Variants in SHQ1 observed in about 807,000 individuals in gnomAD.
The protein encoded by SHQ1 is SHQ1, H/ACA ribonucleoprotein assembly factor, also known as protein SHQ1 homolog.
SHQ1 carries 49 observed loss-of-function variants against 53.8 expected under a neutral mutation model. That is an observed-to-expected ratio of 0.91 (90% CI 0.72 to 1.16). SHQ1 has a LOEUF of 1.16. Among genes scored for constraint, SHQ1 ranks in the 50% most tolerant of loss-of-function variants. SHQ1 has a pLI of 0.00. For synonymous variants in SHQ1, 243 were observed against 251.0 expected (o/e 0.97, Z 0.30); for missense variants, 738 against 683.1 (o/e 1.08, Z -0.90).
rs538409405 is a variant in SHQ1 at position 72,769,733 on chromosome 3, T to A, written c.1182-18897A>T. The stretch of plus-strand genomic sequence containing the variant: ...CTAATTCTGCCCTCTGCAAATCTTG[T>A]CTTGTCTCTACAACCAGTCTAAATG... On this transcript the variant is annotated intron_variant, in intron 10 of 10. Coordinates refer to ENST00000325599, the MANE Select transcript of SHQ1 (RefSeq NM_018130.3). Among the ~76,000 whole-genome samples the A allele has an allele frequency of 9.2e-5, 14 of 152,308 alleles. No individual in the cohort carries two copies. In the East Asian group the frequency reaches 2.5e-3, roughly 27 times the overall value.
chr3:72,739,499 G>GCA, the SHQ1 span, among the ~76,000 whole-genome samples: 1 of 152,180 alleles, frequency 6.6e-6, no homozygotes, highest in African/African-American at 2.4e-5. Context: ...GTAAAGATGG[G>GCA]GTTCGGAAGC....
intron 10 of SHQ1, chr3:72,753,478 C>T: frequency 3.0e-6 from 3 of 985,290 alleles, no homozygotes; most frequent in South Asian, 4.7e-5. Context: ...CCCCCCACCC[C>T]CCACAACCCC....
intron 3 of SHQ1, 59 bp downstream of exon 3, chr3:72,842,221 A>G: frequency 1.9e-6 from 3 of 1,579,882 alleles, no homozygotes; most frequent in Non-Finnish European, 2.6e-6. Context: ...CCCTACAAAT[A>G]CACAGCATTC....
chr3:72,782,896 A>T (rs1706110486), intron 10 of SHQ1, among the ~76,000 whole-genome samples: 1 of 152,254 alleles, frequency 6.6e-6, no homozygotes, highest in African/African-American at 2.4e-5. Flanking sequence ...ATTCAAGCAC[A>T]GTGAAAATTC....
chr3:72,771,702 A>T (rs1705855320), intron 10 of SHQ1, among the ~76,000 whole-genome samples: 1 of 152,236 alleles, frequency 6.6e-6, no homozygotes, highest in Admixed American at 6.5e-5. Flanking sequence ...AGATGGACAA[A>T]GGTTGGAAAT....
chr3:72,845,384 G>T (rs1357238988), intron 1 of SHQ1, among the ~76,000 whole-genome samples: 1 of 151,944 alleles, frequency 6.6e-6, no homozygotes, highest in Non-Finnish European at 1.5e-5. Flanking sequence ...TCAGGAGGCT[G>T]AGGCAGAAGA....
At chr3:72,795,402 T>C (rs1706575301) in intron 9 of SHQ1, 1 of 152,192 alleles carries the variant, frequency 6.6e-6, no homozygotes, top group Non-Finnish European at 1.5e-5. Context: ...AACTAGGTAA[T>C]GTTGAGAGCA....
At chr3:72,775,007 C>T (rs1341761852) in intron 10 of SHQ1, among the ~76,000 whole-genome samples, 5 of 151,944 alleles carry the variant, frequency 3.3e-5, no homozygotes, top group Non-Finnish European at 5.9e-5. Flanking sequence ...CCCAGCTACT[C>T]GGGAAGCTGA....
At chr3:72,785,889 C>T (rs1467858804) in intron 10 of SHQ1, among the ~76,000 whole-genome samples, 1 of 152,196 alleles carries the variant, frequency 6.6e-6, no homozygotes, top group Non-Finnish European at 1.5e-5. Context: ...ACATCTGTCC[C>T]AGCTGTGCTC....
At chr3:72,744,768 G>A (rs1705226428), downstream of SHQ1, among the ~76,000 whole-genome samples, 1 of 152,116 alleles carries the variant, frequency 6.6e-6, no homozygotes, top group Non-Finnish European at 1.5e-5. Flanking sequence ...AATTCCATCA[G>A]GGATTTAGAT....
At chr3:72,818,409 C>T (rs949161889) in intron 6 of SHQ1, among the ~76,000 whole-genome samples, 1 of 152,114 alleles carries the variant, frequency 6.6e-6, no homozygotes, top group African/African-American at 2.4e-5. Flanking sequence ...ATAAAGTAGA[C>T]TCTCGAGACT....
intron 6 of SHQ1, among the ~76,000 whole-genome samples, chr3:72,820,647 TTGGATGATTGCCACCATGAATA>T (rs965954708): frequency 2.0e-5 from 3 of 152,208 alleles, no homozygotes; most frequent in African/African-American, 7.2e-5. Context: ...CCAACAATGC[TTGGATGATTGCCACCATGAATA>T]ACATTTGTCA....
intron 4 of SHQ1, among the ~76,000 whole-genome samples, chr3:72,835,780 G>A (rs1255124646): frequency 6.6e-6 from 1 of 152,020 alleles, no homozygotes; most frequent in African/African-American, 2.4e-5. Context: ...GAGCCTTTAC[G>A]CTTACAGTAC....
intron 10 of SHQ1, among the ~76,000 whole-genome samples, chr3:72,765,557 ATTTT>A (rs61074795): frequency 2.4e-4 from 14 of 57,180 alleles, no homozygotes; most frequent in African/African-American, 7.1e-4. Flanking sequence ...ATATATATAT[ATTTT>A]TTTTTTTTTT....
chr3:72,726,365 T>G, the SHQ1 span, among the ~76,000 whole-genome samples: 1 of 152,076 alleles, frequency 6.6e-6, no homozygotes, highest in Non-Finnish European at 1.5e-5. Context: ...TTCTTTTTTT[T>G]TTGGAGACAG....
intron 9 of SHQ1, among the ~76,000 whole-genome samples, chr3:72,811,918 A>G (rs759874436): frequency 9.2e-5 from 14 of 152,240 alleles, no homozygotes; most frequent in Non-Finnish European, 1.5e-4. Context: ...AGAAATGACC[A>G]TAAAGTACTA....
intron 9 of SHQ1, among the ~76,000 whole-genome samples, chr3:72,798,842 T>C (rs536327477): frequency 6.6e-6 from 1 of 152,372 alleles, no homozygotes; most frequent in East Asian, 1.9e-4. Flanking sequence ...AAGTTGCTAA[T>C]TCTATACAAT....
At chr3:72,832,604 C>T in intron 4 of SHQ1, 123 bp from the exon 5 acceptor site, 1 of 632,468 alleles carries the variant, frequency 1.6e-6, no homozygotes, top group Non-Finnish European at 2.8e-6. Context: ...CATGATGCCA[C>T]CTGTGACATT....
intron 10 of SHQ1, among the ~76,000 whole-genome samples, chr3:72,791,721 G>GT (rs201572827): frequency 0.017 from 2,472 of 148,538 alleles, 60 homozygotes; most frequent in African/African-American, 0.055. Context: ...TTTTTGTTTT[G>GT]TTTTTTTTTT....
Sources: gnomAD v4.1 joint callset for allele counts (sites outside exome capture counted in the v4.1 genomes callset) on GRCh38, gnomAD v4.1.1 for gene constraint, MANE v1.5 for transcripts, NCBI Gene and HGNC (gene_info 2026-07-23, HGNC 2026-07-21) for gene names.